PPP1R14C: variants seen among roughly 807,000 people sequenced by gnomAD.
PPP1R14C encodes the protein protein phosphatase 1 regulatory subunit 14C.
PPP1R14C carries 16 observed loss-of-function variants against 20.4 expected under a neutral mutation model. The ratio of observed to expected loss-of-function variants is 0.78; its 90% CI spans 0.53 to 1.19. The LOEUF is 1.19. Ranked by LOEUF, PPP1R14C falls within the 50% of genes most tolerant of loss-of-function variation. PPP1R14C has a pLI of 0.00. For synonymous variants in PPP1R14C, 91 were observed against 91.0 expected, an observed-to-expected ratio of 1.00 and a Z score of 0.00; for missense variants, 211 against 220.1, an observed-to-expected ratio of 0.96 and a Z score of 0.26.
At chr6:150,167,334 C>T (rs1322926699) in intron 1 of PPP1R14C, among the ~76,000 whole-genome samples, 2 of 151,892 alleles carry the variant, frequency 1.3e-5, no homozygotes, top group East Asian at 1.9e-4. Flanking sequence ...CACCACTGCA[C>T]TCCAGCCTGG....
intron 3 of PPP1R14C, among the ~76,000 whole-genome samples, chr6:150,238,473 C>T (rs555146402): frequency 1.4e-4 from 21 of 152,368 alleles, no homozygotes; most frequent in South Asian, 8.3e-4. Flanking sequence ...AGAGGTCTTT[C>T]GAGGCCTCTC....
intron 3 of PPP1R14C, among the ~76,000 whole-genome samples, chr6:150,242,291 C>T (rs975922209): frequency 1.6e-5 from 1 of 64,514 alleles, no homozygotes; most frequent in African/African-American, 1.2e-4. Flanking sequence ...CTGGCAATAC[C>T]CTGATACTAA....
At chr6:150,241,941 GTC>G (rs1388769468) in intron 3 of PPP1R14C, among the ~76,000 whole-genome samples, 1 of 152,162 alleles carries the variant, frequency 6.6e-6, no homozygotes, top group Non-Finnish European at 1.5e-5. Context: ...CTCTGTTGAT[GTC>G]TTCTGGAGAA....
intron 1 of PPP1R14C, 54 bp from the exon 2 acceptor site, chr6:150,214,690 C>A: frequency 7.6e-7 from 1 of 1,315,918 alleles, no homozygotes; most frequent in Non-Finnish European, 1.1e-6. Context: ...TGGTGGGGTA[C>A]AGTCAGGTTT....
chr6:150,190,661 G>T (rs9322250), intron 1 of PPP1R14C, among the ~76,000 whole-genome samples: 1 of 151,884 alleles, frequency 6.6e-6, no homozygotes, highest in Non-Finnish European at 1.5e-5. Context: ...TCTTGAGCTC[G>T]TGATCCACTC....
At chr6:150,209,790 T>G (rs1295429011) in intron 1 of PPP1R14C, among the ~76,000 whole-genome samples, 2 of 150,862 alleles carry the variant, frequency 1.3e-5, no homozygotes, top group Non-Finnish European at 2.9e-5. Context: ...TGCATGTGAG[T>G]GAGTAGTGTG....
rs1424628511 is a variant in PPP1R14C at position 150,143,694 on chromosome 6, C to A, written c.306+196C>A. Among the ~76,000 whole-genome samples the A allele has an allele frequency of 6.6e-6, 1 of 152,200 alleles. No individual in the cohort carries two copies. Among genetic ancestry groups the A allele is most frequent in the Non-Finnish European group, 1.5e-5 (1 of 68,032 alleles). The stretch of plus-strand genomic sequence containing the variant: ...GGCTCAGCGGTTGGGACGCCCCTGT[C>A]TGGGTTCGGCTGCCGGTGCCCGGGG... On this transcript the variant is annotated intron_variant, in intron 1 of 3. Transcript: ENST00000361131. This position sits in a 1 kb window ranked among gnomAD's most constrained non-coding sequence, Gnocchi z 5.6.
rs553131455 is a variant in PPP1R14C, at chr6:150,185,612, C to A, written c.307-29132C>A. ...TGAAGGCTACCTCTGCATAATAGCT[C>A]TGCGGCCTCCCTGTCTGTATTAGGA... On this transcript the variant is annotated intron_variant, in intron 1 of 3. Transcript: ENST00000361131. The surrounding 1 kb of genome is among the most constrained non-coding windows in gnomAD (Gnocchi z 4.1). Among the ~76,000 whole-genome samples, 1 of 152,242 alleles carries A rather than the reference C, an allele frequency of 6.6e-6. No homozygotes were observed. Among genetic ancestry groups the A allele is most frequent in the East Asian group, 1.9e-4 (1 of 5,172 alleles).
chr6:150,196,352 A>G (rs1030917250), intron 1 of PPP1R14C, among the ~76,000 whole-genome samples: 1 of 152,198 alleles, frequency 6.6e-6, no homozygotes, highest in African/African-American at 2.4e-5. Context: ...TGGACCGCCC[A>G]CTAGGTGTGA....
chr6:150,156,539 G>A (rs1211448657), intron 1 of PPP1R14C, among the ~76,000 whole-genome samples: 1 of 152,204 alleles, frequency 6.6e-6, no homozygotes, highest in Admixed American at 6.5e-5. Context: ...AAGCCAGGTA[G>A]GTGAGGTGTT....
chr6:150,247,399 G>A (rs897273462), intron 3 of PPP1R14C, among the ~76,000 whole-genome samples: 6 of 152,266 alleles, frequency 3.9e-5, no homozygotes, highest in African/African-American at 1.4e-4. Flanking sequence ...TTATCTGGTG[G>A]CCAAACATTT....
chr6:150,236,613 CTGTGTGTGTGTG>C (rs142109127), intron 3 of PPP1R14C, among the ~76,000 whole-genome samples: 1 of 144,506 alleles, frequency 6.9e-6, no homozygotes, highest in Non-Finnish European at 1.5e-5. Flanking sequence ...GTTGGTGCCA[CTGTGTGTGTGTG>C]TGTGTGTGTG....
chr6:150,174,469 G>A (rs1271536943), intron 1 of PPP1R14C, among the ~76,000 whole-genome samples: 3 of 151,846 alleles, frequency 2.0e-5, no homozygotes, highest in South Asian at 2.1e-4. Context: ...GCCCACCTTG[G>A]CCTCCCAAAG....
intron 1 of PPP1R14C, among the ~76,000 whole-genome samples, chr6:150,160,954 C>T (rs1280484181): frequency 1.3e-5 from 2 of 152,030 alleles, no homozygotes; most frequent in African/African-American, 2.4e-5. Flanking sequence ...CTCCAAGGAA[C>T]GCTGATTCCT....
chr6:150,155,677 A>G (rs1777297645), intron 1 of PPP1R14C, among the ~76,000 whole-genome samples: 1 of 152,122 alleles, frequency 6.6e-6, no homozygotes, highest in Non-Finnish European at 1.5e-5. Flanking sequence ...AGTTTACAGG[A>G]TTCTGTTATT....
At chr6:150,180,242 A>G (rs191692361) in intron 1 of PPP1R14C, among the ~76,000 whole-genome samples, 1 of 152,336 alleles carries the variant, frequency 6.6e-6, no homozygotes, top group Non-Finnish European at 1.5e-5. Flanking sequence ...GAGATGATTC[A>G]TGCAGTCAAG....
chr6:150,192,587 A>T (rs1215283266), intron 1 of PPP1R14C, among the ~76,000 whole-genome samples: 4 of 152,184 alleles, frequency 2.6e-5, no homozygotes, highest in African/African-American at 9.7e-5. Context: ...GGAAATTCAG[A>T]CTGGCAAATT....
intron 1 of PPP1R14C, among the ~76,000 whole-genome samples, chr6:150,188,982 C>A (rs947313168): frequency 6.6e-6 from 1 of 152,050 alleles, no homozygotes. Context: ...CCTCAGCCTC[C>A]TGAGTAGCTG....
intron 1 of PPP1R14C, among the ~76,000 whole-genome samples, chr6:150,184,388 G>A (rs1777654307): frequency 6.6e-6 from 1 of 152,174 alleles, no homozygotes; most frequent in Non-Finnish European, 1.5e-5. Flanking sequence ...TGCTGCACAG[G>A]TGTGTGGACT....
Sources: gnomAD v4.1 joint callset for allele counts (sites outside exome capture counted in the v4.1 genomes callset) on GRCh38, gnomAD v4.1.1 for gene constraint, Gnocchi (gnomAD v3.1) non-coding constraint, MANE v1.5 for transcripts, NCBI Gene and HGNC (gene_info 2026-07-23, HGNC 2026-07-21) for gene names.